Variants in CMIP observed in about 807,000 individuals in gnomAD.
The protein encoded by CMIP is C-Maf-inducing protein.
Under a neutral mutation model 97.3 loss-of-function variants are expected in CMIP, and 13 were observed. The observed-to-expected ratio is 0.13, with a 90% CI of 0.09 to 0.21. The LOEUF (loss-of-function observed/expected upper bound fraction) is 0.21. Among genes scored for constraint, CMIP ranks in the 10% least tolerant of loss-of-function variants. The pLI, the probability that CMIP is intolerant of heterozygous loss-of-function variation, is 1.00. For missense variants in CMIP, 847 were observed against 1,024.9 expected (o/e 0.83, Z 2.37); for synonymous variants, 538 against 436.3 (o/e 1.23, Z -2.91).
chr16:81,595,594 G>A (rs905741197), intron 1 of CMIP, among the ~76,000 whole-genome samples: 2 of 152,084 alleles, frequency 1.3e-5, no homozygotes, highest in South Asian at 4.2e-4. Context: ...TCACCATGTT[G>A]GCCAGGCTGG....
chr16:81,507,891 G>A (rs2089739172), intron 1 of CMIP, among the ~76,000 whole-genome samples: 2 of 152,212 alleles, frequency 1.3e-5, no homozygotes, highest in South Asian at 4.1e-4. Context: ...GAGTCCCATT[G>A]CTGCCTGGGA....
At chr16:81,527,245 G>A (rs766811166) in intron 1 of CMIP, among the ~76,000 whole-genome samples, 4 of 152,312 alleles carry the variant, frequency 2.6e-5, no homozygotes, top group South Asian at 4.1e-4. Flanking sequence ...GGGAGCCCAC[G>A]GTGGGGGAGG....
intron 1 of CMIP, among the ~76,000 whole-genome samples, chr16:81,501,180 G>A (rs1419940264): frequency 6.6e-6 from 1 of 152,236 alleles, no homozygotes; most frequent in Non-Finnish European, 1.5e-5. Context: ...AAATTCCACT[G>A]GGCCTGATGG....
chr16:81,449,086 G>A (rs1230823497), intron 1 of CMIP, among the ~76,000 whole-genome samples: 3 of 152,252 alleles, frequency 2.0e-5, no homozygotes, highest in Non-Finnish European at 2.9e-5. Flanking sequence ...AGAGGGCTTT[G>A]TCTGTAGGCT....
chr16:81,613,489 C>A (rs966240309), intron 2 of CMIP, among the ~76,000 whole-genome samples: 30 of 152,178 alleles, frequency 2.0e-4, no homozygotes, highest in African/African-American at 7.2e-4. Flanking sequence ...AGCTGTGGAA[C>A]CCTAAACAGC....
chr16:81,707,376 GAAA>G (rs1908268215), intron 20 of CMIP, among the ~76,000 whole-genome samples: 1 of 152,200 alleles, frequency 6.6e-6, no homozygotes, highest in South Asian at 2.1e-4. Context: ...AGGGCGAGAG[GAAA>G]AGCAAGTGCC....
chr16:81,560,091 G>C (rs537361884), intron 1 of CMIP, among the ~76,000 whole-genome samples: 1 of 151,308 alleles, frequency 6.6e-6, no homozygotes, highest in Non-Finnish European at 1.5e-5. Context: ...GAGGTTGCAG[G>C]GGCCCTGTCT....
chr16:81,660,769 G>T, intron 5 of CMIP, 115 bp from the exon 6 acceptor site: 1 of 1,070,104 alleles, frequency 9.3e-7, no homozygotes, highest in South Asian at 1.3e-5. Flanking sequence ...ATGTGATGCA[G>T]GATGTGTTGC....
chr16:81,497,427 A>G (rs2089511242), intron 1 of CMIP, among the ~76,000 whole-genome samples: 2 of 152,196 alleles, frequency 1.3e-5, no homozygotes, highest in African/African-American at 4.8e-5. Flanking sequence ...AGCTCATAAT[A>G]AGTAGGGGTC....
At chr16:81,636,880 A>C (rs2092243919) in intron 3 of CMIP, among the ~76,000 whole-genome samples, 1 of 131,442 alleles carries the variant, frequency 7.6e-6, no homozygotes, top group Admixed American at 8.2e-5. Flanking sequence ...GAATTAGATC[A>C]TATATATGTG....
rs750865395 is a variant in CMIP, at chr16:81,704,113, C to T, written c.2091+28C>T. The T allele has an allele frequency of 4.5e-5, 72 of 1,589,176 alleles. No individual in the cohort carries two copies. The East Asian group carries it at 1.5e-3, about 32-fold the overall frequency. On this transcript the variant is annotated intron_variant, in intron 18 of 20. Coordinates refer to ENST00000537098, the MANE Select transcript of CMIP (RefSeq NM_198390.3). ...ACGTCCTCCCGCCCTGCTGCAGTCC[C>T]CCACACCCTCCTCCTTCACCTCTGC...
chr16:81,665,744 G>A (rs1344392649), intron 7 of CMIP: 1 of 152,176 alleles, frequency 6.6e-6, no homozygotes, highest in Non-Finnish European at 1.5e-5. Flanking sequence ...TCCCCAGTCA[G>A]GAATGGAAGT....
At chr16:81,599,249 T>A (rs8044988) in intron 1 of CMIP, among the ~76,000 whole-genome samples, 38,190 of 151,808 alleles carry the variant, frequency 0.25, 7,322 homozygotes, top group African/African-American at 0.53. Flanking sequence ...GGAGAGGTCA[T>A]ATTACCTGAG....
chr16:81,599,728 GC>G (rs2150930988), intron 1 of CMIP, among the ~76,000 whole-genome samples: 1 of 152,350 alleles, frequency 6.6e-6, no homozygotes, highest in South Asian at 2.1e-4. Flanking sequence ...AGAGCAGGAG[GC>G]CTGTGTGAGA....
chr16:81,664,193 C>T, intron 6 of CMIP, 76 bp from the exon 7 acceptor site: 3 of 1,430,392 alleles, frequency 2.1e-6, no homozygotes, highest in African/African-American at 1.4e-5. Flanking sequence ...TGACTGTCCC[C>T]AGCCCTGCTA....
intron 1 of CMIP, among the ~76,000 whole-genome samples, chr16:81,452,889 T>TGG (rs112284417): frequency 0.018 from 2,085 of 114,522 alleles, 42 homozygotes; most frequent in African/African-American, 0.062. Context: ...TGTTTTGTTT[T>TGG]TTTTTTTTTT....
intron 1 of CMIP, among the ~76,000 whole-genome samples, chr16:81,543,127 C>T (rs2090479627): frequency 6.6e-6 from 1 of 152,240 alleles, no homozygotes; most frequent in African/African-American, 2.4e-5. Context: ...CACTGCTTTT[C>T]TGCTGATGGC....
chr16:81,703,920 C>CT lies in CMIP; in HGVS notation c.1945-18dup, dbSNP rs1394611432. 8.8e-6 allele frequency: 14 copies of CT among 1,585,194 alleles called. No homozygotes were observed. The South Asian group carries it at 1.6e-4, about 18-fold the overall frequency. On this transcript the variant is annotated intron_variant, in intron 17 of 20. Coordinates refer to ENST00000537098, the MANE Select transcript of CMIP (RefSeq NM_198390.3). ...AACTCCCAGCAGCACCCTCAGGCCT[C>CT]TCCCCCGTCTGCCCGCAGGACGCTG... is the stretch of plus-strand genomic sequence containing the variant.
chr16:81,664,735 G>T (rs956413251), intron 7 of CMIP: 3 of 401,840 alleles, frequency 7.5e-6, no homozygotes, highest in Admixed American at 4.4e-5. Flanking sequence ...GTATGGAAGG[G>T]GGCAGGAGTA....
Sources: gnomAD v4.1 joint callset for allele counts (sites outside exome capture counted in the v4.1 genomes callset) on GRCh38, gnomAD v4.1.1 for gene constraint, MANE v1.5 for transcripts, NCBI Gene and HGNC (gene_info 2026-07-23, HGNC 2026-07-21) for gene names.